The following NDUFB3 variants were observed in gnomAD, a reference collection of about 807,000 sequenced individuals.
NDUFB3 encodes NADH dehydrogenase [ubiquinone] 1 beta subcomplex subunit 3.
Under a neutral mutation model 9.0 loss-of-function variants are expected in NDUFB3, and 7 were observed. That is an observed-to-expected ratio of 0.78 (90% CI 0.44 to 1.46). The LOEUF (loss-of-function observed/expected upper bound fraction) is 1.46, where lower values mean the gene tolerates loss of function less well. NDUFB3 is among the 40% of genes most tolerant of loss of function. The pLI, the probability that NDUFB3 is intolerant of heterozygous loss-of-function variation, is 0.01. For missense variants in NDUFB3, 93 were observed against 115.4 expected, an observed-to-expected ratio of 0.81 and a Z score of 0.89; for synonymous variants, 29 against 38.5, an observed-to-expected ratio of 0.75 and a Z score of 0.91.
chr2:201,075,179 G>GAAAAAA (rs752371143), intron 1 of NDUFB3, among the ~76,000 whole-genome samples: 1 of 91,098 alleles, frequency 1.1e-5, no homozygotes, highest in East Asian at 3.2e-4. Context: ...GATCCTGTCT[G>GAAAAAA]AAAAAAAAAA....
At chr2:201,074,429 G>A (rs1399856594) in intron 1 of NDUFB3, among the ~76,000 whole-genome samples, 1 of 150,626 alleles carries the variant, frequency 6.6e-6, no homozygotes, top group Non-Finnish European at 1.5e-5. Flanking sequence ...TGGAATTGAT[G>A]GCCATAAGGT....
At chr2:201,076,514 A>ATATATATATATAT (rs2047165092) in intron 1 of NDUFB3, among the ~76,000 whole-genome samples, 1 of 113,388 alleles carries the variant, frequency 8.8e-6, no homozygotes, top group Non-Finnish European at 2.0e-5. Context: ...TATATATATA[A>ATATATATATATAT]TTAAATGTGA....
At chr2:201,079,454 T>G (rs1358956251) in intron 2 of NDUFB3, among the ~76,000 whole-genome samples, 1 of 151,834 alleles carries the variant, frequency 6.6e-6, no homozygotes, top group Non-Finnish European at 1.5e-5. Flanking sequence ...CTTTAAAAGT[T>G]TTTGGTTTGT....
At chr2:201,082,148 T>C (rs2047232442) in intron 2 of NDUFB3, among the ~76,000 whole-genome samples, 1 of 151,870 alleles carries the variant, frequency 6.6e-6, no homozygotes, top group Non-Finnish European at 1.5e-5. Flanking sequence ...GAGATGGGGT[T>C]TCACCATGTT....
At chr2:201,075,341 G>A (rs1384911727) in intron 1 of NDUFB3, among the ~76,000 whole-genome samples, 4 of 152,006 alleles carry the variant, frequency 2.6e-5, no homozygotes, top group Non-Finnish European at 2.9e-5. Flanking sequence ...CCAGGTGGGC[G>A]GATCACAAGG....
At chr2:201,080,484 C>G (rs1036074333) in intron 2 of NDUFB3, among the ~76,000 whole-genome samples, 1 of 152,084 alleles carries the variant, frequency 6.6e-6, no homozygotes, top group East Asian at 1.9e-4. Flanking sequence ...GTGGGCAGAT[C>G]ACTTGAGCCC....
chr2:201,081,697 G>T, intron 2 of NDUFB3, among the ~76,000 whole-genome samples: 1 of 151,708 alleles, frequency 6.6e-6, no homozygotes, highest in Non-Finnish European at 1.5e-5. Flanking sequence ...CACCCAGGCT[G>T]GAGTGCAGTG....
chr2:201,079,334 G>A (rs759476034), intron 2 of NDUFB3, among the ~76,000 whole-genome samples: 4 of 151,468 alleles, frequency 2.6e-5, no homozygotes, highest in African/African-American at 9.7e-5. Context: ...TAGTAGAGAC[G>A]GGGTTTCACC....
chr2:201,085,454 T>C lies in NDUFB3; in HGVS notation c.141-5T>C. 1.3e-6 allele frequency: 2 copies of C among 1,580,404 alleles called. No individual in the cohort carries two copies. The highest frequency in any genetic ancestry group is 1.7e-6 in the Non-Finnish European group (2 of 1,167,880). On this transcript the variant is annotated splice_region_variant and splice_polypyrimidine_tract_variant and intron_variant, in intron 2 of 2. Transcript: ENST00000237889. Reference sequence around the variant, plus strand: ...GATTATAATTTTTTCTTTTTTTTTTTCTAGCAATGAAGCTTGGAGATACAT... The same window carrying C: ...GATTATAATTTTTTCTTTTTTTTTTCCTAGCAATGAAGCTTGGAGATACAT...
chr2:201,080,095 C>G (rs1052365877), intron 2 of NDUFB3, among the ~76,000 whole-genome samples: 1 of 151,980 alleles, frequency 6.6e-6, no homozygotes, highest in African/African-American at 2.4e-5. Context: ...CTTTTAGAAG[C>G]TTTTATAGTT....
intron 1 of NDUFB3, chr2:201,072,314 CTTTG>C (rs1305590483): frequency 6.6e-6 from 1 of 152,172 alleles, no homozygotes; most frequent in Non-Finnish European, 1.5e-5. Context: ...GCAAAATTGT[CTTTG>C]TTTGCCTTTG....
At chr2:201,078,747 T>G in intron 1 of NDUFB3, 134 bp from the exon 2 acceptor site, 1 of 846,920 alleles carries the variant, frequency 1.2e-6, no homozygotes. Context: ...ATCCTTTAAC[T>G]GGAATTTTCA....
chr2:201,082,995 G>A (rs938113337), intron 2 of NDUFB3, among the ~76,000 whole-genome samples: 4 of 151,606 alleles, frequency 2.6e-5, no homozygotes, highest in Non-Finnish European at 5.9e-5. Flanking sequence ...TTACAGGCGT[G>A]AGCCACCGCG....
rs558594376 is a variant in NDUFB3, at chr2:201,073,706, T to G, written c.-3+1647T>G. Among the ~76,000 whole-genome samples the G allele has an allele frequency of 2.1e-3, 323 of 151,928 alleles. 1 individual carries two copies. Among genetic ancestry groups the G allele is most frequent in the Middle Eastern group, 6.8e-3 (2 of 292 alleles). The stretch of plus-strand genomic sequence containing the variant: ...TCACTAGAACCTGGGAGGCGGAGGT[T>G]GCAGTGAGCCGACATTGCACCACCC... On this transcript the variant is annotated intron_variant, in intron 1 of 2. Transcript: ENST00000237889.
chr2:201,083,230 A>T (rs1360884781), intron 2 of NDUFB3, among the ~76,000 whole-genome samples: 1 of 152,128 alleles, frequency 6.6e-6, no homozygotes, highest in Non-Finnish European at 1.5e-5. Flanking sequence ...ACTGGGAGAA[A>T]ACATTTGGTG....
chr2:201,079,103 G>A (rs746821071), intron 2 of NDUFB3, 81 bp downstream of exon 2: 4 of 1,420,214 alleles, frequency 2.8e-6, no homozygotes, highest in African/African-American at 1.5e-5. Flanking sequence ...ATTCTCCTTA[G>A]AGAATCATGA....
intron 1 of NDUFB3, among the ~76,000 whole-genome samples, chr2:201,076,484 AATAT>A (rs561737388): frequency 0.12 from 13,814 of 119,992 alleles, 948 homozygotes; most frequent in African/African-American, 0.16. Context: ...TCTATCTTTA[AATAT>A]ATATATATAT....
At chr2:201,075,851 A>G (rs1041308133) in intron 1 of NDUFB3, among the ~76,000 whole-genome samples, 3 of 152,080 alleles carry the variant, frequency 2.0e-5, no homozygotes, top group Non-Finnish European at 1.5e-5. Flanking sequence ...TTTGTTTTAT[A>G]CTCTCTTCCA....
At chr2:201,073,707 G>A (rs1172678917) in intron 1 of NDUFB3, among the ~76,000 whole-genome samples, 2 of 152,128 alleles carry the variant, frequency 1.3e-5, no homozygotes, top group South Asian at 2.1e-4. Context: ...GGCGGAGGTT[G>A]CAGTGAGCCG....
Sources: gnomAD v4.1 joint callset for allele counts (sites outside exome capture counted in the v4.1 genomes callset) on GRCh38, gnomAD v4.1.1 for gene constraint, MANE v1.5 for transcripts, NCBI Gene and HGNC (gene_info 2026-07-23, HGNC 2026-07-21) for gene names.